The following NRP2 variants were observed in gnomAD, a reference collection of about 807,000 sequenced individuals.
The protein encoded by NRP2 is neuropilin-2.
A neutral mutation model predicts 110.4 loss-of-function variants in NRP2; 52 were observed. The observed-to-expected ratio is 0.47, with a 90% CI of 0.38 to 0.59. The LOEUF is 0.59. Among genes scored for constraint, NRP2 ranks in the 20% least tolerant of loss-of-function variants. NRP2 has a pLI of 0.00. For synonymous variants in NRP2, 508 were observed against 468.9 expected (o/e 1.08, Z -1.08); for missense variants, 1,049 against 1,203.0 (o/e 0.87, Z 1.89).
At chr2:205,716,585 T>C (rs969492038) in intron 3 of NRP2, among the ~76,000 whole-genome samples, 1 of 3,490 alleles carries the variant, frequency 2.9e-4, no homozygotes, top group Non-Finnish European at 6.6e-4. Context: ...GGCGGGGGGG[T>C]GGGGGTGGGG....
chr2:205,711,074 T>C (rs1460874380), intron 2 of NRP2, among the ~76,000 whole-genome samples: 1 of 152,236 alleles, frequency 6.6e-6, no homozygotes, highest in Non-Finnish European at 1.5e-5. Context: ...GCTCAGTAAA[T>C]GTGTTGGGGC....
In NRP2 at chr2:205,728,031, T is replaced by C; in HGVS notation, c.1131T>C (p.His377=). 1 of 1,614,120 alleles carries C rather than the reference T, an allele frequency of 6.2e-7. No individual in the cohort carries two copies. The highest frequency in any genetic ancestry group is 8.5e-7 in the Non-Finnish European group (1 of 1,180,026). The change falls in exon 7 of 17, where the codon CAT becomes CAC. Residue 377 remains histidine (H), a synonymous_variant. Coordinates refer to ENST00000357785, the MANE Select transcript of NRP2 (RefSeq NM_003872.3). ...TNGEDWMVYR[H]GKNHKVFQAN... is the part of the protein sequence containing the mutation. ...GAGAGGACTGGATGGTGTACCGGCATGGCAAAAACCACAAGGTAAATCCAT... is the reference window on the plus strand; with the variant it reads ...GAGAGGACTGGATGGTGTACCGGCACGGCAAAAACCACAAGGTAAATCCAT...
rs1316652119 is a variant in NRP2 at position 205,725,417 on chromosome 2, G to C, written c.821-496G>C. 6.6e-6 allele frequency among the ~76,000 whole-genome samples: 1 copy of C among 152,242 alleles called. No individual in the cohort carries two copies. Among genetic ancestry groups the C allele is most frequent in the Non-Finnish European group, 1.5e-5 (1 of 68,050 alleles). ...TGTGCTCATGGAGAGATTTCCCAAAGACAAGTATTTATGCTTTGTAATGTC... is the reference window on the plus strand; with the variant it reads ...TGTGCTCATGGAGAGATTTCCCAAACACAAGTATTTATGCTTTGTAATGTC... On this transcript the variant is annotated intron_variant, in intron 5 of 16. Transcript: ENST00000357785. This position sits in a 1 kb window ranked among gnomAD's most constrained non-coding sequence, Gnocchi z 4.1.
At chr2:205,707,151 T>G (rs2056695341) in intron 2 of NRP2, among the ~76,000 whole-genome samples, 1 of 152,212 alleles carries the variant, frequency 6.6e-6, no homozygotes, top group African/African-American at 2.4e-5. Flanking sequence ...AACCCCAACC[T>G]GTTCTCTCAG....
At chr2:205,723,337 A>G (rs1029582059) in intron 4 of NRP2, among the ~76,000 whole-genome samples, 3 of 152,256 alleles carry the variant, frequency 2.0e-5, no homozygotes, top group Non-Finnish European at 4.4e-5. Flanking sequence ...TTTTTCTAAT[A>G]TAAAGGAGAC....
intron 11 of NRP2, 77 bp downstream of exon 11, chr2:205,749,918 C>CACTAGGTCCCTG: frequency 8.8e-7 from 1 of 1,142,576 alleles, no homozygotes; most frequent in Non-Finnish European, 1.3e-6. Context: ...GGACAGGGAC[C>CACTAGGTCCCTG]TAGTGGTCCC....
At position 205,725,836 on chromosome 2, in the gene NRP2, A is replaced by G; in HGVS notation, c.821-77A>G. 2 of 1,477,744 alleles carry G rather than the reference A, an allele frequency of 1.4e-6. No homozygotes were observed. Among genetic ancestry groups the G allele is most frequent in the East Asian group, 2.3e-5 (1 of 44,234 alleles). 91.5% of individuals were successfully genotyped at this position (1,477,744 alleles called of 1,614,324 possible). A position where few individuals can be genotyped will look rare whatever the true frequency, so the allele number is the denominator to read the frequency against. On this transcript the variant is annotated intron_variant, in intron 5 of 16. Coordinates refer to ENST00000357785, the MANE Select transcript of NRP2 (RefSeq NM_003872.3). This position sits in a 1 kb window ranked among gnomAD's most constrained non-coding sequence, Gnocchi z 4.1. ...AGTGCCTGCAAGGACTTGTCCCTAGAAGGGAGGCAGCATTTGGGGGATCCC... is the reference window on the plus strand; with the variant it reads ...AGTGCCTGCAAGGACTTGTCCCTAGGAGGGAGGCAGCATTTGGGGGATCCC...
Position 205,697,499 on chromosome 2 carries a change from T to C in NRP2, c.74-45T>C, listed in dbSNP as rs144373915. On this transcript the variant is annotated intron_variant, in intron 1 of 16. Coordinates refer to ENST00000357785, the MANE Select transcript of NRP2 (RefSeq NM_003872.3). ...AGGAGGGAGTGTGGGGGGAAGAAAG[T>C]TGTAACATATTTGAAGTTCTTTGGG... 2.1e-3 allele frequency: 3,292 copies of C among 1,551,120 alleles called. 50 individuals are homozygous for C. In the African/African-American group the frequency reaches 0.036, roughly 17 times the overall value.
chr2:205,747,516 G>C (rs1334338121), intron 10 of NRP2, among the ~76,000 whole-genome samples: 3 of 152,186 alleles, frequency 2.0e-5, no homozygotes, highest in Non-Finnish European at 4.4e-5. Flanking sequence ...CAAAGCAATG[G>C]TCATCTTAAC....
At chr2:205,785,141 A>T (rs917683860) in intron 15 of NRP2, among the ~76,000 whole-genome samples, 1 of 152,204 alleles carries the variant, frequency 6.6e-6, no homozygotes, top group Admixed American at 6.5e-5. Flanking sequence ...GGACCTACAA[A>T]ATAAAAGGGG....
intron 15 of NRP2, among the ~76,000 whole-genome samples, chr2:205,783,491 G>A (rs538636489): frequency 6.6e-6 from 1 of 152,352 alleles, no homozygotes; most frequent in Non-Finnish European, 1.5e-5. Context: ...TATCCCAGCA[G>A]CCAGAGGTAA....
At chr2:205,695,716 C>G (rs1412460134) in intron 1 of NRP2, among the ~76,000 whole-genome samples, 1 of 152,172 alleles carries the variant, frequency 6.6e-6, no homozygotes, top group Non-Finnish European at 1.5e-5. Flanking sequence ...GTAAGAGCAG[C>G]TGGTGATCTA....
At chr2:205,758,509 AC>A (rs766628666) in intron 12 of NRP2, among the ~76,000 whole-genome samples, 17 of 152,106 alleles carry the variant, frequency 1.1e-4, no homozygotes, top group Non-Finnish European at 2.2e-4. Context: ...ATATCAAGAG[AC>A]CTTTCCAGAG....
intron 15 of NRP2, among the ~76,000 whole-genome samples, chr2:205,790,195 T>A (rs545114568): frequency 6.6e-6 from 1 of 152,350 alleles, no homozygotes; most frequent in South Asian, 2.1e-4. Context: ...GGGCAATTGA[T>A]TTCATTGAGT....
intron 1 of NRP2, among the ~76,000 whole-genome samples, chr2:205,685,357 G>A (rs548292220): frequency 4.3e-4 from 65 of 152,336 alleles, no homozygotes; most frequent in African/African-American, 1.4e-3. Context: ...CTTTCAGGCG[G>A]AGCAAAGCAC....
chr2:205,730,082 G>C (rs2057206837), intron 7 of NRP2, among the ~76,000 whole-genome samples: 1 of 152,232 alleles, frequency 6.6e-6, no homozygotes, highest in African/African-American at 2.4e-5. Context: ...AAAATGGAGA[G>C]CCTGCCAATT....
rs2058356748 is a variant in NRP2, at chr2:205,796,940, T to A, written c.*1882T>A. 1 of 152,700 alleles carries A rather than the reference T, an allele frequency of 6.5e-6. No homozygotes were observed. Among genetic ancestry groups the A allele is most frequent in the Non-Finnish European group, 1.5e-5 (1 of 68,068 alleles). 9.5% of individuals were successfully genotyped at this position (152,700 alleles called of 1,614,324 possible). Reference sequence around the variant, plus strand: ...AATGGGACTGGCTGGTTCCTTTAAATGTTAACTTATGGAAATGCTAGTTCA... The same window carrying A: ...AATGGGACTGGCTGGTTCCTTTAAAAGTTAACTTATGGAAATGCTAGTTCA... On this transcript the variant is annotated 3_prime_UTR_variant, in exon 17 of 17. Transcript: ENST00000357785.
At position 205,788,177 on chromosome 2, in the gene NRP2, G is replaced by C. The variant is rs535624631; in HGVS notation, c.2426-4058G>C. ...TCACCGTGTACCTACTCTGTCTCTC[G>C]ATGATGCAGAGAGAAGGGACACTGA... On this transcript the variant is annotated intron_variant, in intron 15 of 16. Coordinates refer to ENST00000357785, the MANE Select transcript of NRP2 (RefSeq NM_003872.3). Among the ~76,000 whole-genome samples the C allele has an allele frequency of 1.1e-4, 16 of 152,246 alleles. No individual in the cohort carries two copies. In the South Asian group the frequency reaches 2.1e-3, roughly 20 times the overall value.
At chr2:205,746,858 C>T (rs778971868) in intron 10 of NRP2, among the ~76,000 whole-genome samples, 10 of 152,334 alleles carry the variant, frequency 6.6e-5, no homozygotes, top group South Asian at 4.1e-4. Context: ...GCTACAGCAG[C>T]GCAGAGGAGC....
Sources: gnomAD v4.1 joint callset for allele counts (sites outside exome capture counted in the v4.1 genomes callset) on GRCh38, gnomAD v4.1.1 for gene constraint, Gnocchi (gnomAD v3.1) non-coding constraint, MANE v1.5 for transcripts, NCBI Gene and HGNC (gene_info 2026-07-23, HGNC 2026-07-21) for gene names.